The following GAB2 variants were observed in gnomAD, a reference collection of about 807,000 sequenced individuals.
The protein encoded by GAB2 is GRB2 associated binding protein 2.
A neutral mutation model predicts 65.5 loss-of-function variants in GAB2; 26 were observed. That is an observed-to-expected ratio of 0.40 (90% CI 0.29 to 0.55). The LOEUF is 0.55. Ranked by LOEUF, GAB2 falls within the 20% of genes least tolerant of loss-of-function variation. The probability of loss-of-function intolerance (pLI) is 0.53; values close to 1 mark genes in which losing one functional copy is unlikely to be tolerated. For missense variants in GAB2, 884 were observed against 875.8 expected (o/e 1.01, Z -0.12); for synonymous variants, 321 against 329.6 (o/e 0.97, Z 0.28).
chr11:78,356,616 T>C (rs997982981), intron 1 of GAB2, among the ~76,000 whole-genome samples: 1 of 152,192 alleles, frequency 6.6e-6, no homozygotes, highest in Non-Finnish European at 1.5e-5. Flanking sequence ...ATACCATGAA[T>C]GACACTCCCA....
intron 1 of GAB2, among the ~76,000 whole-genome samples, chr11:78,285,394 T>C (rs932431532): frequency 6.6e-6 from 1 of 152,278 alleles, no homozygotes; most frequent in African/African-American, 2.4e-5. Context: ...GATATATTTA[T>C]GACAGAGTCA....
At chr11:78,232,187 G>C (rs1361023124) in intron 3 of GAB2, among the ~76,000 whole-genome samples, 1 of 152,188 alleles carries the variant, frequency 6.6e-6, no homozygotes, top group South Asian at 2.1e-4. Flanking sequence ...GATTAATGAT[G>C]GGTAAGCTCT....
chr11:78,350,778 G>A (rs1011927497), intron 1 of GAB2, among the ~76,000 whole-genome samples: 1 of 152,148 alleles, frequency 6.6e-6, no homozygotes, highest in African/African-American at 2.4e-5. Context: ...CTTCACACAC[G>A]TTAAGAATTC....
chr11:78,343,851 G>C (rs1278389019), intron 1 of GAB2, among the ~76,000 whole-genome samples: 1 of 151,894 alleles, frequency 6.6e-6, no homozygotes, highest in Admixed American at 6.6e-5. Flanking sequence ...TTTGTACTAA[G>C]TCTTTAAAAT....
intron 3 of GAB2, among the ~76,000 whole-genome samples, chr11:78,229,633 C>T (rs1432043669): frequency 6.6e-6 from 1 of 152,204 alleles, no homozygotes; most frequent in Non-Finnish European, 1.5e-5. Flanking sequence ...ATTTACTTTC[C>T]TAACTTCCCA....
chr11:78,320,302 G>A (rs923863703), intron 1 of GAB2, among the ~76,000 whole-genome samples: 4 of 152,288 alleles, frequency 2.6e-5, no homozygotes, highest in Admixed American at 2.6e-4. Flanking sequence ...CTCCCAGTAG[G>A]TGGGACTACA....
intron 1 of GAB2, among the ~76,000 whole-genome samples, chr11:78,354,188 T>C (rs981099735): frequency 1.3e-4 from 20 of 152,226 alleles, no homozygotes; most frequent in African/African-American, 4.3e-4. Flanking sequence ...TGGAAGTGTC[T>C]ACTGTGTTCC....
chr11:78,345,406 G>A (rs1013480409), intron 1 of GAB2, among the ~76,000 whole-genome samples: 1 of 152,330 alleles, frequency 6.6e-6, no homozygotes, highest in South Asian at 2.1e-4. Context: ...ATCCTGCGAA[G>A]GTTTAGGAAT....
At chr11:78,413,639 G>C (rs956115318) in intron 1 of GAB2, among the ~76,000 whole-genome samples, 27 of 152,196 alleles carry the variant, frequency 1.8e-4, no homozygotes, top group Admixed American at 1.3e-4. Context: ...CTGAAAAAAA[G>C]TAGGTAGTAC....
At chr11:78,409,865 T>C (rs1027842696) in intron 1 of GAB2, among the ~76,000 whole-genome samples, 1 of 152,132 alleles carries the variant, frequency 6.6e-6, no homozygotes, top group Non-Finnish European at 1.5e-5. Context: ...ATAGACCACA[T>C]TTTCAGCAAT....
intron 7 of GAB2, 109 bp from the exon 8 acceptor site, chr11:78,221,888 G>A: frequency 1.4e-6 from 1 of 730,358 alleles, no homozygotes. Context: ...AGCCATTAGA[G>A]CTGCACACTC....
At chr11:78,412,981 A>G (rs1252510570) in intron 1 of GAB2, among the ~76,000 whole-genome samples, 2 of 152,232 alleles carry the variant, frequency 1.3e-5, no homozygotes, top group Middle Eastern at 3.2e-3. Flanking sequence ...GATGTGGGAT[A>G]GTGGGTGACG....
intron 1 of GAB2, among the ~76,000 whole-genome samples, chr11:78,389,116 GAGGTAT>G (rs1443043725): frequency 1.3e-5 from 2 of 152,316 alleles, no homozygotes; most frequent in South Asian, 2.1e-4. Context: ...TGGCAGAGGA[GAGGTAT>G]TCATGCTCCT....
In GAB2 at chr11:78,351,254, CT is replaced by C. The variant is rs1373581473; in HGVS notation, c.75+66391del. 9.7e-3 allele frequency among the ~76,000 whole-genome samples: 1,411 copies of C among 144,864 alleles called. 4 individuals are homozygous for C. The highest frequency in any genetic ancestry group is 0.015 in the Non-Finnish European group (1,015 of 65,490). ...CCTTCGGCATCATTTACCCAGTGGC[CT>C]TTTTTTTTTTTAATAAGTGGAATTA... On this transcript the variant is annotated intron_variant, in intron 1 of 9. Coordinates refer to ENST00000361507, the MANE Select transcript of GAB2 (RefSeq NM_080491.3).
At chr11:78,229,453 G>A (rs115306112) in intron 3 of GAB2, among the ~76,000 whole-genome samples, 3,251 of 152,164 alleles carry the variant, frequency 0.021, 101 homozygotes, top group African/African-American at 0.074. Context: ...CAGGCACCCT[G>A]CAATAACCTT....
intron 1 of GAB2, among the ~76,000 whole-genome samples, chr11:78,390,869 G>A (rs965386396): frequency 2.0e-5 from 3 of 152,086 alleles, no homozygotes; most frequent in Admixed American, 1.3e-4. Context: ...AAACATCAAC[G>A]GTTTGCCAGA....
rs954781866 is a variant in GAB2, at chr11:78,215,611, C to G, written c.*3661G>C. ...TTCCTGACAAACAGTGACAATTCTG[C>G]GTGAAATAATTCTAGATTTCAAGAC... On this transcript the variant is annotated 3_prime_UTR_variant, in exon 10 of 10. Coordinates refer to ENST00000361507, the MANE Select transcript of GAB2 (RefSeq NM_080491.3). 6.6e-6 allele frequency: 1 copy of G among 152,432 alleles called. No individual in the cohort carries two copies. Among genetic ancestry groups the G allele is most frequent in the East Asian group, 1.9e-4 (1 of 5,186 alleles). The allele number at this position is 152,432 out of a possible 1,614,324, so 9.4% of individuals were successfully genotyped here.
chr11:78,239,553 G>C (rs1350501475), intron 3 of GAB2, among the ~76,000 whole-genome samples: 3 of 152,128 alleles, frequency 2.0e-5, no homozygotes, highest in Non-Finnish European at 4.4e-5. Context: ...AAATAACGGA[G>C]GGAGAGTCCC....
At chr11:78,241,739 T>C (rs114578572) in intron 3 of GAB2, among the ~76,000 whole-genome samples, 2,475 of 152,184 alleles carry the variant, frequency 0.016, 71 homozygotes, top group African/African-American at 0.056. Flanking sequence ...GAAAGGTAGT[T>C]TGAAATTACC....
Sources: gnomAD v4.1 joint callset for allele counts (sites outside exome capture counted in the v4.1 genomes callset) on GRCh38, gnomAD v4.1.1 for gene constraint, MANE v1.5 for transcripts, NCBI Gene and HGNC (gene_info 2026-07-23, HGNC 2026-07-21) for gene names.